LRMDA: variants seen among roughly 807,000 people sequenced by gnomAD.
LRMDA encodes the protein leucine-rich melanocyte differentiation-associated protein.
LRMDA carries 18 observed loss-of-function variants against 29.8 expected under a neutral mutation model. The observed-to-expected ratio is 0.60, with a 90% CI of 0.42 to 0.90. The LOEUF is 0.90. Among genes scored for constraint, LRMDA ranks in the 40% least tolerant of loss-of-function variants. LRMDA has a pLI of 0.00. For missense variants in LRMDA, 273 were observed against 273.9 expected, an observed-to-expected ratio of 1.00 and a Z score of 0.02; for synonymous variants, 125 against 109.4, an observed-to-expected ratio of 1.14 and a Z score of -0.89.
At chr10:76,009,987 C>T (rs1847746702) in intron 2 of LRMDA, among the ~76,000 whole-genome samples, 2 of 152,190 alleles carry the variant, frequency 1.3e-5, no homozygotes, top group African/African-American at 2.4e-5. Flanking sequence ...TTCCTTCCCT[C>T]TCCCCCACCC....
At chr10:75,819,506 T>TA (rs1844119961) in intron 2 of LRMDA, among the ~76,000 whole-genome samples, 1 of 152,204 alleles carries the variant, frequency 6.6e-6, no homozygotes, top group African/African-American at 2.4e-5. Flanking sequence ...TCTCCTCAGA[T>TA]ACCTTTAAAA....
intron 6 of LRMDA, among the ~76,000 whole-genome samples, chr10:76,502,547 G>A (rs913417051): frequency 6.6e-6 from 1 of 151,706 alleles, no homozygotes; most frequent in South Asian, 2.1e-4. Flanking sequence ...CAGTGTTTTG[G>A]AGTTCTCCTT....
intron 2 of LRMDA, among the ~76,000 whole-genome samples, chr10:75,742,553 G>A (rs889977137): frequency 1.4e-4 from 22 of 152,152 alleles, no homozygotes; most frequent in African/African-American, 5.1e-4. Context: ...AAGCCACATG[G>A]GGACAGCCAC....
chr10:75,776,271 G>A (rs1430112000), intron 2 of LRMDA, among the ~76,000 whole-genome samples: 1 of 152,102 alleles, frequency 6.6e-6, no homozygotes, highest in Non-Finnish European at 1.5e-5. Context: ...TTTGGGTCCT[G>A]GAAGAACTCA....
At chr10:75,670,385 C>A (rs1841876568) in intron 2 of LRMDA, among the ~76,000 whole-genome samples, 1 of 136,448 alleles carries the variant, frequency 7.3e-6, no homozygotes, top group South Asian at 2.1e-4. Context: ...CTAACCAGAG[C>A]ATTTTTTTTA....
chr10:75,931,302 A>G (rs971207256), intron 2 of LRMDA, among the ~76,000 whole-genome samples: 3 of 152,222 alleles, frequency 2.0e-5, no homozygotes, highest in Non-Finnish European at 4.4e-5. Context: ...TGAAGAAAAG[A>G]GGCAGGAAGG....
chr10:76,409,486 T>C (rs1841935604), intron 6 of LRMDA, among the ~76,000 whole-genome samples: 1 of 152,174 alleles, frequency 6.6e-6, no homozygotes, highest in African/African-American at 2.4e-5. Flanking sequence ...AGACAATTAG[T>C]AATATTGGGA....
chr10:76,514,974 C>G (rs960853779), intron 6 of LRMDA, among the ~76,000 whole-genome samples: 1 of 152,088 alleles, frequency 6.6e-6, no homozygotes, highest in African/African-American at 2.4e-5. Flanking sequence ...AATGGATGTG[C>G]ATAAATTATT....
At chr10:75,756,185 G>A (rs1459518608) in intron 2 of LRMDA, among the ~76,000 whole-genome samples, 2 of 152,220 alleles carry the variant, frequency 1.3e-5, no homozygotes, top group Non-Finnish European at 1.5e-5. Flanking sequence ...TTGGTTTTTA[G>A]TTGGGATAGT....
In LRMDA at chr10:76,410,298, C is replaced by CTTTTTTTT. The variant is rs1172213249; in HGVS notation, c.601+85834_601+85841dup. On this transcript the variant is annotated intron_variant, in intron 6 of 6. Transcript: ENST00000611255. ...GAGGCTTGGAAAAATCACTTTCTTT[C>CTTTTTTTT]TTTTTTTTTTTTTTTTTTTTTTTTT... Among the ~76,000 whole-genome samples, 127 of 66,564 alleles carry CTTTTTTTT rather than the reference C, an allele frequency of 1.9e-3. 4 individuals carry two copies. The highest frequency in any genetic ancestry group is 2.7e-3 in the East Asian group (6 of 2,250). 43.7% of individuals were successfully genotyped at this position (66,564 alleles called of 152,430 possible).
chr10:76,335,333 A>T (rs773984069), intron 6 of LRMDA, among the ~76,000 whole-genome samples: 11 of 152,192 alleles, frequency 7.2e-5, no homozygotes, highest in Non-Finnish European at 1.0e-4. Flanking sequence ...GGATGAGATT[A>T]TTCTTAGGAC....
At chr10:76,155,484 A>C (rs1427133493) in intron 5 of LRMDA, among the ~76,000 whole-genome samples, 1 of 152,296 alleles carries the variant, frequency 6.6e-6, no homozygotes, top group East Asian at 1.9e-4. Flanking sequence ...TATAAAGGGA[A>C]TATGTTAGAA....
intron 6 of LRMDA, among the ~76,000 whole-genome samples, chr10:76,374,406 A>G (rs1207388353): frequency 6.6e-6 from 1 of 152,142 alleles, no homozygotes; most frequent in Non-Finnish European, 1.5e-5. Flanking sequence ...AGATGAAAGG[A>G]CTCATACGTC....
chr10:75,800,293 C>CT (rs946757330), intron 2 of LRMDA, among the ~76,000 whole-genome samples: 3 of 152,100 alleles, frequency 2.0e-5, no homozygotes, highest in Non-Finnish European at 4.4e-5. Context: ...AGCCATACCA[C>CT]TTTTTTATGT....
At chr10:75,454,827 A>T (rs904148024) in intron 2 of LRMDA, among the ~76,000 whole-genome samples, 1 of 152,186 alleles carries the variant, frequency 6.6e-6, no homozygotes, top group Non-Finnish European at 1.5e-5. Flanking sequence ...AATCAGCCTT[A>T]CCTGGGGTAT....
chr10:76,066,359 T>C (rs1175401252), intron 5 of LRMDA, among the ~76,000 whole-genome samples: 23 of 152,246 alleles, frequency 1.5e-4, no homozygotes, highest in Admixed American at 1.3e-3. Context: ...TTGTACCAGC[T>C]GCTTAACAAT....
At chr10:75,445,240 T>G (rs1000267008) in intron 2 of LRMDA, among the ~76,000 whole-genome samples, 49 of 152,198 alleles carry the variant, frequency 3.2e-4, no homozygotes, top group African/African-American at 1.2e-3. Flanking sequence ...ATGCCCAGCC[T>G]GTATCACAAT....
At chr10:75,582,066 A>T (rs1395309108) in intron 2 of LRMDA, among the ~76,000 whole-genome samples, 1 of 152,120 alleles carries the variant, frequency 6.6e-6, no homozygotes, top group East Asian at 1.9e-4. Flanking sequence ...TTCAGCTCCC[A>T]CAGCTACTGG....
chr10:76,383,294 A>T (rs1313886820), intron 6 of LRMDA, among the ~76,000 whole-genome samples: 1 of 152,034 alleles, frequency 6.6e-6, no homozygotes, highest in Non-Finnish European at 1.5e-5. Context: ...TGAACCTTCC[A>T]GTCCTTAAGT....
Sources: allele counts gnomAD v4.1 joint callset (sites outside exome capture counted in the v4.1 genomes callset), GRCh38; gene constraint gnomAD v4.1.1; transcripts MANE v1.5; gene names NCBI Gene and HGNC (gene_info 2026-07-23, HGNC 2026-07-21).